The following UBE3B variants were observed in gnomAD, a reference collection of about 807,000 sequenced individuals.
UBE3B encodes ubiquitin protein ligase E3B.
UBE3B carries 80 observed loss-of-function variants against 132.3 expected under a neutral mutation model. The ratio of observed to expected loss-of-function variants is 0.60; its 90% confidence interval spans 0.50 to 0.73. The LOEUF (loss-of-function observed/expected upper bound fraction) is 0.73, where lower values mean the gene tolerates loss of function less well. UBE3B is among the 30% of genes least tolerant of loss of function. The pLI, the probability that UBE3B is intolerant of heterozygous loss-of-function variation, is 0.00. For missense variants in UBE3B, 1,196 were observed against 1,362.5 expected (o/e 0.88, Z 1.92); for synonymous variants, 487 against 520.4 (o/e 0.94, Z 0.87).
chr12:109,526,864 C>T (rs1368503071), intron 24 of UBE3B, among the ~76,000 whole-genome samples: 1 of 117,172 alleles, frequency 8.5e-6, no homozygotes, highest in Non-Finnish European at 1.8e-5. Flanking sequence ...GAGTGAGACT[C>T]CGTCTCAAAA....
chr12:109,483,653 T>G lies in UBE3B; in HGVS notation c.102T>G (p.Val34=). The change falls in exon 3 of 28, where the codon GTT becomes GTG. Residue 34 remains valine (V), a synonymous_variant. Coordinates refer to ENST00000342494, the MANE Select transcript of UBE3B (RefSeq NM_130466.4). ...AGAAGGAACGGGAGCGGGCAGCTGT[T>G]GTGATCCAGGCCCATGTCCGGAGTT... The part of the protein sequence containing the change: ...LVQKERERAA[V]VIQAHVRSFL... 5 of 1,613,440 alleles carry G rather than the reference T, an allele frequency of 3.1e-6. No individual in the cohort carries two copies. Among genetic ancestry groups the G allele is most frequent in the Non-Finnish European group, 4.2e-6 (5 of 1,179,818 alleles).
intron 6 of UBE3B, 110 bp downstream of exon 6, chr12:109,486,685 C>A: frequency 1.2e-6 from 1 of 846,622 alleles, no homozygotes; most frequent in Non-Finnish European, 1.8e-6. Flanking sequence ...ACGAGAGTTG[C>A]TAGTTGAGCC....
At chr12:109,487,322 G>C (rs1692772622) in intron 6 of UBE3B, among the ~76,000 whole-genome samples, 1 of 152,222 alleles carries the variant, frequency 6.6e-6, no homozygotes, top group African/African-American at 2.4e-5. Flanking sequence ...ACATACACAG[G>C]AGCCACTTCC....
chr12:109,486,577 TAACAAA>T lies in UBE3B; in HGVS notation c.447+5_447+10del, dbSNP rs1876484252. On this transcript the variant is annotated splice_donor_5th_base_variant and intron_variant, in intron 6 of 27. Transcript: ENST00000342494. ...TGTGATTTTCTCAAGCAGCTCAAGG[TAACAAA>T]AAAAAAAAAAAAAAAAAAAAGCAAA... is the stretch of plus-strand genomic sequence containing the variant. 2.4e-5 allele frequency: 16 copies of T among 657,384 alleles called. No homozygotes were observed. Among genetic ancestry groups the T allele is most frequent in the Admixed American group, 1.5e-4 (2 of 13,300 alleles). The allele number at this position is 657,384 out of a possible 1,614,324, so 40.7% of individuals were successfully genotyped here.
At position 109,534,754 on chromosome 12, in the gene UBE3B, G is replaced by T. The variant is rs1363115104; in HGVS notation, c.3179G>T (p.Ser1060Ile). The change falls in exon 28 of 28, where the codon AGC becomes ATC. Residue 1060 changes from serine to isoleucine, a missense_variant. Ser to Ile is a moderately radical substitution (Grantham distance 142, BLOSUM62 -2). Transcript: ENST00000342494. The surrounding 1 kb of genome is among the most constrained non-coding windows in gnomAD (Gnocchi z 5.2). ...VLREKLRYAISMNTGFELS is the reference protein window; with the variant it reads ...VLREKLRYAIIMNTGFELS ...CGCGAGAAGCTGCGCTACGCCATCA[G>T]CATGAACACGGGCTTTGAACTCTCC... is the stretch of plus-strand genomic sequence containing the variant. 1 of 1,575,158 alleles carries T rather than the reference G, an allele frequency of 6.3e-7. No individual in the cohort carries two copies. Among genetic ancestry groups the T allele is most frequent in the Admixed American group, 1.8e-5 (1 of 56,284 alleles).
chr12:109,501,260 G>T, intron 12 of UBE3B, 111 bp from the exon 13 acceptor site: 4 of 1,319,150 alleles, frequency 3.0e-6, no homozygotes, highest in Non-Finnish European at 4.2e-6. Context: ...CATGTTGAGT[G>T]CCAGGTCCTA....
At position 109,498,267 on chromosome 12, in the gene UBE3B, G is replaced by T. The variant is rs182329731; in HGVS notation, c.854G>T (p.Arg285Leu). 6.2e-7 allele frequency: 1 copy of T among 1,614,032 alleles called. No individual in the cohort carries two copies. Among genetic ancestry groups the T allele is most frequent in the Non-Finnish European group, 8.5e-7 (1 of 1,179,978 alleles). The change falls in exon 11 of 28, where the codon CGT becomes CTT. Residue 285 changes from arginine (R) to leucine (L), a missense_variant. Arg to Leu is a moderately radical substitution (Grantham distance 102). Coordinates refer to ENST00000342494, the MANE Select transcript of UBE3B (RefSeq NM_130466.4). ...GTTTTAGAATCCCATGACATGCTTC[G>T]TAAATTCATCATATTTTTAAGAGAC... Reference protein sequence around the residue: ...LTVLESHDMLRKFIIFLRDQD... With the variant: ...LTVLESHDMLLKFIIFLRDQD...
rs756881415 is a variant in UBE3B at position 109,510,330 on chromosome 12, T to G, written c.1742-14T>G. ...TGACTCCTCCTCTGACTTTCCTGTT[T>G]GTTTGTCCCACAGAGAACGCCAAGG... On this transcript the variant is annotated splice_polypyrimidine_tract_variant and intron_variant, in intron 16 of 27. Transcript: ENST00000342494. The G allele has an allele frequency of 6.3e-7, 1 of 1,587,034 alleles. No homozygotes were observed. The highest frequency in any genetic ancestry group is 1.1e-5 in the South Asian group (1 of 87,320).
chr12:109,516,729 G>T, intron 18 of UBE3B, 36 bp from the exon 19 acceptor site: 1 of 1,599,882 alleles, frequency 6.3e-7, no homozygotes, highest in South Asian at 1.1e-5. Flanking sequence ...TCAGTTTGCT[G>T]ACCCTGTTTT....
At chr12:109,488,187 G>C (rs138955857) in intron 6 of UBE3B, among the ~76,000 whole-genome samples, 1 of 152,366 alleles carries the variant, frequency 6.6e-6, no homozygotes, top group African/African-American at 2.4e-5. Flanking sequence ...CAGCTAGTAA[G>C]TGGTGAAGTC....
chr12:109,484,373 A>G (rs764226004), intron 4 of UBE3B, among the ~76,000 whole-genome samples: 1 of 152,166 alleles, frequency 6.6e-6, no homozygotes, highest in Non-Finnish European at 1.5e-5. Context: ...CAGCTACTAC[A>G]CACCTCGGTG....
chr12:109,490,706 A>G (rs1318914990), intron 8 of UBE3B: 1 of 1,440,748 alleles, frequency 6.9e-7, no homozygotes, highest in Non-Finnish European at 9.1e-7. Context: ...TTATTATTAA[A>G]GAATTTCTAA....
chr12:109,502,933 A>T, intron 13 of UBE3B, 90 bp from the exon 14 acceptor site: 1 of 1,524,376 alleles, frequency 6.6e-7, no homozygotes, highest in African/African-American at 1.4e-5. Context: ...CTGTGCATTT[A>T]GAGCTTTACT....
At chr12:109,507,828 C>T in intron 15 of UBE3B, 93 bp downstream of exon 15, 1 of 1,417,030 alleles carries the variant, frequency 7.1e-7, no homozygotes, top group East Asian at 2.3e-5. Flanking sequence ...AATGTGATTA[C>T]TGCAAACATT....
chr12:109,499,843 G>T, intron 12 of UBE3B, 33 bp downstream of exon 12: 1 of 1,513,926 alleles, frequency 6.6e-7, no homozygotes, highest in Non-Finnish European at 8.9e-7. Context: ...TGTCTTTCCT[G>T]CCTCTCTCCC....
chr12:109,497,955 C>T (rs1289507510), intron 10 of UBE3B, 32 bp downstream of exon 10: 2 of 1,604,584 alleles, frequency 1.2e-6, no homozygotes, highest in Non-Finnish European at 1.7e-6. Context: ...CCCGTGAAAA[C>T]CCAATTGTGT....
chr12:109,486,375 A>C, intron 5 of UBE3B, 96 bp from the exon 6 acceptor site: 1 of 1,000,086 alleles, frequency 1.0e-6, no homozygotes, highest in Non-Finnish European at 1.5e-6. Context: ...TTTATCTGGC[A>C]CTGGACCTAA....
intron 6 of UBE3B, among the ~76,000 whole-genome samples, chr12:109,486,927 A>G (rs1360147303): frequency 6.6e-6 from 1 of 152,216 alleles, no homozygotes; most frequent in Non-Finnish European, 1.5e-5. Flanking sequence ...ATCACGTACC[A>G]GTTAAGCAAG....
Position 109,499,756 on chromosome 12 carries a change from A to G in UBE3B, c.1064A>G (p.Asn355Ser), listed in dbSNP as rs562290450. ...AAGTATGTGTCTCAGAAGAAGTCCAACCTGACCCACTGGCATCCTGTCCTT... is the reference window on the plus strand; with the variant it reads ...AAGTATGTGTCTCAGAAGAAGTCCAGCCTGACCCACTGGCATCCTGTCCTT... ...CRKYVSQKKS[N>S]LTHWHPVLGW... Residue 355 changes from asparagine (N) to serine (S), a missense_variant, in exon 12 of 28, where the codon AAC (asparagine) becomes AGC (serine). Transcript: ENST00000342494. 2.0e-5 allele frequency: 32 copies of G among 1,611,656 alleles called. No individual in the cohort carries two copies. The highest frequency in any genetic ancestry group is 2.4e-5 in the Non-Finnish European group (28 of 1,178,726).
Sources: allele counts gnomAD v4.1 joint callset (sites outside exome capture counted in the v4.1 genomes callset), GRCh38; gene constraint gnomAD v4.1.1; non-coding constraint Gnocchi (gnomAD v3.1); transcripts MANE v1.5; gene names NCBI Gene and HGNC (gene_info 2026-07-23, HGNC 2026-07-21).